The following CHD6 variants were observed in gnomAD, a reference collection of about 807,000 sequenced individuals.
CHD6 encodes ATP-dependent chromatin remodeler CHD6.
A neutral mutation model predicts 276.9 loss-of-function variants in CHD6; 50 were observed. That is an observed-to-expected ratio of 0.18 (90% CI 0.14 to 0.23). The LOEUF (loss-of-function observed/expected upper bound fraction) is 0.23, where lower values mean the gene tolerates loss of function less well. Ranked by LOEUF, CHD6 falls within the 10% of genes least tolerant of loss-of-function variation. CHD6 has a pLI of 1.00. For missense variants in CHD6, 2,564 were observed against 3,365.8 expected (o/e 0.76, Z 5.89); for synonymous variants, 1,173 against 1,229.3 (o/e 0.95, Z 0.96).
intron 3 of CHD6, 75 bp downstream of exon 3, chr20:41,532,975 C>T: frequency 3.4e-6 from 5 of 1,489,616 alleles, no homozygotes; most frequent in Non-Finnish European, 4.5e-6. Flanking sequence ...TGCCTAGGGG[C>T]TTGGGCTAAT....
At chr20:41,459,897 T>C (rs1433248692) in intron 17 of CHD6, among the ~76,000 whole-genome samples, 4 of 152,194 alleles carry the variant, frequency 2.6e-5, no homozygotes, top group Non-Finnish European at 4.4e-5. Context: ...TTGGAACAGT[T>C]TGGAAGGTTC....
chr20:41,519,529 A>G (rs2044334649), intron 3 of CHD6, among the ~76,000 whole-genome samples: 1 of 152,188 alleles, frequency 6.6e-6, no homozygotes, highest in South Asian at 2.1e-4. Context: ...ATGTAATACT[A>G]GACAGCTATA....
At chr20:41,608,031 GAA>G (rs973843608) in intron 1 of CHD6, among the ~76,000 whole-genome samples, 6 of 152,208 alleles carry the variant, frequency 3.9e-5, no homozygotes, top group Non-Finnish European at 8.8e-5. Context: ...ACCACACGAT[GAA>G]AGAGTCTAGC....
At chr20:41,437,882 CCAAA>C (rs1391293722) in intron 26 of CHD6, among the ~76,000 whole-genome samples, 2 of 151,434 alleles carry the variant, frequency 1.3e-5, no homozygotes, top group East Asian at 1.9e-4. Context: ...GAAACTATCA[CCAAA>C]CAGTTATCAC....
chr20:41,471,159 C>CTG (rs1351944736), intron 17 of CHD6, among the ~76,000 whole-genome samples: 2 of 152,238 alleles, frequency 1.3e-5, no homozygotes, highest in East Asian at 3.9e-4. Context: ...AATTCTGCCA[C>CTG]TGTAACATGA....
chr20:41,504,981 G>A (rs920747075), intron 5 of CHD6, among the ~76,000 whole-genome samples: 2 of 152,120 alleles, frequency 1.3e-5, no homozygotes, highest in Non-Finnish European at 2.9e-5. Context: ...TGGTCCCTTT[G>A]ATCCAGTCAG....
chr20:41,618,307 G>A (rs2045956513), intron 1 of CHD6, 33 bp downstream of exon 1: 1 of 152,016 alleles, frequency 6.6e-6, no homozygotes, highest in Non-Finnish European at 1.5e-5. Flanking sequence ...CCGAGGCCAG[G>A]GAGGAAAATA....
intron 16 of CHD6, 136 bp downstream of exon 16, chr20:41,483,173 C>T: frequency 1.3e-6 from 1 of 744,278 alleles, no homozygotes; most frequent in Non-Finnish European, 2.1e-6. Flanking sequence ...GAATTTCAGT[C>T]TATCTTTAAA....
intron 17 of CHD6, among the ~76,000 whole-genome samples, chr20:41,463,598 C>T (rs1399204195): frequency 2.0e-5 from 3 of 151,954 alleles, no homozygotes; most frequent in Admixed American, 2.0e-4. Context: ...ACAGACAAAT[C>T]CAAACGGAGG....
chr20:41,554,309 G>C (rs1424365145), intron 1 of CHD6, among the ~76,000 whole-genome samples: 1 of 152,142 alleles, frequency 6.6e-6, no homozygotes, highest in Non-Finnish European at 1.5e-5. Flanking sequence ...AAAACAAGCA[G>C]GGCACCTAAC....
At chr20:41,435,241 A>G (rs1380421746) in intron 27 of CHD6, among the ~76,000 whole-genome samples, 1 of 152,206 alleles carries the variant, frequency 6.6e-6, no homozygotes, top group East Asian at 1.9e-4. Flanking sequence ...ACAGCACTAA[A>G]TGCATATATT....
rs2046648284 is a variant in CHD6, at chr20:41,405,453, C to A, written c.7288G>T (p.Ala2430Ser). The A allele has an allele frequency of 6.3e-7, 1 of 1,578,552 alleles. No individual in the cohort carries two copies. The highest frequency in any genetic ancestry group is 8.6e-7 in the Non-Finnish European group (1 of 1,162,598). Reference protein sequence around the residue: ...LPENKFNHTLAEPILRDTGPR... With the variant: ...LPENKFNHTLSEPILRDTGPR... ...CCCGTATCTCGAAGAATAGGCTCAG[C>A]CAGAGTGTGATTGAACTTGTTTTCT... The change falls in exon 37 of 37, where the codon GCT becomes TCT. Residue 2430 changes from alanine (A) to serine (S), a missense_variant. Transcript: ENST00000373233.
intron 31 of CHD6, among the ~76,000 whole-genome samples, chr20:41,417,772 T>C (rs545758045): frequency 4.1e-4 from 62 of 152,220 alleles, no homozygotes; most frequent in Non-Finnish European, 7.5e-4. Flanking sequence ...GTGATTAATA[T>C]GAGAAAGGAT....
At position 41,421,561 on chromosome 20, in the gene CHD6, T is replaced by C. The variant is rs767959197; in HGVS notation, c.5074A>G (p.Ile1692Val). Residue 1692 changes from isoleucine (I) to valine (V), a missense_variant, in exon 31 of 37, where the codon ATC (isoleucine) becomes GTC (valine). By Grantham distance (29) the Ile-to-Val change is conservative. Around this residue, in one of 7 missense-constraint regions of CHD6, gnomAD observed 1,024 missense variants for 1,047.9 expected, o/e 0.98. Coordinates refer to ENST00000373233, the MANE Select transcript of CHD6 (RefSeq NM_032221.5). Reference protein sequence around the residue: ...FISKVQDVISINHDESLLPES... With the variant: ...FISKVQDVISVNHDESLLPES... ...GGCAGCAGACTTTCATCATGGTTGATGGAAATGACATCCTGAACTTTAGAA... is the reference window on the plus strand; with the variant it reads ...GGCAGCAGACTTTCATCATGGTTGACGGAAATGACATCCTGAACTTTAGAA... The C allele has an allele frequency of 1.7e-5, 28 of 1,613,408 alleles. No individual in the cohort carries two copies. The highest frequency in any genetic ancestry group is 2.4e-5 in the Non-Finnish European group (28 of 1,179,720).
intron 5 of CHD6, among the ~76,000 whole-genome samples, chr20:41,507,979 G>A (rs1359431534): frequency 6.6e-6 from 1 of 152,082 alleles, no homozygotes; most frequent in Non-Finnish European, 1.5e-5. Flanking sequence ...GTTTCAAGGG[G>A]ATTACACTCA....
chr20:41,408,076 TAAAA>T (rs1032816198), intron 36 of CHD6, among the ~76,000 whole-genome samples: 1 of 146,870 alleles, frequency 6.8e-6, no homozygotes, highest in African/African-American at 2.5e-5. Context: ...AAATAAAAAA[TAAAA>T]AAAAAACCCA....
rs549962729 is a variant in CHD6, at chr20:41,590,932, T to G, written c.-24+27408A>C. Among the ~76,000 whole-genome samples the G allele has an allele frequency of 5.3e-5, 8 of 151,436 alleles. No homozygotes were observed. The East Asian group carries it at 1.6e-3, about 29-fold the overall frequency. ...ACACGTATGTTTACTGCAGCACTAT[T>G]CACAATAGCAAAGATTTGGAACCAA... On this transcript the variant is annotated intron_variant, in intron 1 of 36. Transcript: ENST00000373233.
At chr20:41,553,522 T>TAA (rs1035848329) in intron 1 of CHD6, among the ~76,000 whole-genome samples, 2 of 152,226 alleles carry the variant, frequency 1.3e-5, no homozygotes, top group African/African-American at 4.8e-5. Flanking sequence ...TCCCCACACT[T>TAA]ACCTATTTAG....
At chr20:41,425,527 GC>G in intron 28 of CHD6, 133 bp from the exon 29 acceptor site, 1 of 925,742 alleles carries the variant, frequency 1.1e-6, no homozygotes, top group Non-Finnish European at 1.6e-6. Flanking sequence ...TTAATAATTG[GC>G]CCAGGAGCAA....
Sources: allele counts gnomAD v4.1 joint callset (sites outside exome capture counted in the v4.1 genomes callset), GRCh38; gene constraint gnomAD v4.1.1; regional missense constraint gnomAD v4.1.1; transcripts MANE v1.5; gene names NCBI Gene and HGNC (gene_info 2026-07-23, HGNC 2026-07-21).